The following DYSF variants were observed in gnomAD, a reference collection of about 807,000 sequenced individuals.
DYSF encodes the protein dystrophy-associated fer-1-like 1.
Under a neutral mutation model 274.9 loss-of-function variants are expected in DYSF, and 212 were observed. The observed-to-expected ratio is 0.77, with a 90% CI of 0.69 to 0.86. DYSF has a LOEUF of 0.86. Ranked by LOEUF, DYSF falls within the 40% of genes least tolerant of loss-of-function variation. The pLI is 0.00. For missense variants in DYSF, 2,666 were observed against 2,783.2 expected (o/e 0.96, Z 0.95); for synonymous variants, 1,091 against 1,078.7 (o/e 1.01, Z -0.22).
chr2:71,508,427 T>C (rs899287658), intron 4 of DYSF, among the ~76,000 whole-genome samples: 2 of 152,248 alleles, frequency 1.3e-5, no homozygotes, highest in African/African-American at 4.8e-5. Flanking sequence ...CTAAGGCTCA[T>C]GTGTTGCACC....
intron 8 of DYSF, 51 bp downstream of exon 8, chr2:71,515,802 G>T (rs766659461): frequency 1.9e-6 from 3 of 1,612,038 alleles, no homozygotes; most frequent in Non-Finnish European, 2.5e-6. Context: ...CTTCCAATCT[G>T]GAAGCCCAGT....
At chr2:71,530,704 C>T (rs2088596481) in intron 14 of DYSF, among the ~76,000 whole-genome samples, 1 of 152,198 alleles carries the variant, frequency 6.6e-6, no homozygotes, top group African/African-American at 2.4e-5. Context: ...TCGGTGGACC[C>T]CAGGCCTTTG....
chr2:71,506,538 G>C (rs1401274548), intron 4 of DYSF, among the ~76,000 whole-genome samples: 1 of 152,182 alleles, frequency 6.6e-6, no homozygotes, highest in Middle Eastern at 3.2e-3. Flanking sequence ...CCGTGACGTG[G>C]AGGACCTTGA....
chr2:71,460,394 AT>A (rs1395449632), intron 1 of DYSF, among the ~76,000 whole-genome samples: 1 of 152,190 alleles, frequency 6.6e-6, no homozygotes, highest in Non-Finnish European at 1.5e-5. Context: ...ACATTCAGCT[AT>A]GAGGGAGGCT....
intron 45 of DYSF, among the ~76,000 whole-genome samples, chr2:71,661,875 G>A (rs2094887720): frequency 6.6e-6 from 1 of 152,162 alleles, no homozygotes; most frequent in Admixed American, 6.5e-5. Flanking sequence ...CCAGTGATGA[G>A]CTCCCACCAA....
chr2:71,571,884 C>G (rs2092493266), intron 29 of DYSF, among the ~76,000 whole-genome samples: 1 of 146,314 alleles, frequency 6.8e-6, no homozygotes, highest in Admixed American at 6.8e-5. Context: ...CCAGCACACA[C>G]AGCTCACACC....
chr2:71,592,161 C>A (rs1418944148), intron 32 of DYSF, among the ~76,000 whole-genome samples: 3 of 152,204 alleles, frequency 2.0e-5, no homozygotes, highest in African/African-American at 7.2e-5. Flanking sequence ...GGGGCCCAGG[C>A]AGAAGCCCCC....
chr2:71,535,816 A>G (rs2089278428), intron 16 of DYSF, among the ~76,000 whole-genome samples: 1 of 152,216 alleles, frequency 6.6e-6, no homozygotes, highest in Admixed American at 6.5e-5. Flanking sequence ...TGAGGACAGC[A>G]GCTCACGGGC....
intron 46 of DYSF, 67 bp from the exon 47 acceptor site, chr2:71,665,095 T>C: frequency 6.2e-7 from 1 of 1,608,022 alleles, no homozygotes; most frequent in Non-Finnish European, 8.5e-7. Context: ...CACCAGTCCC[T>C]GCATGCCCCT....
chr2:71,524,728 A>C (rs1470085514), intron 12 of DYSF, among the ~76,000 whole-genome samples: 1 of 152,222 alleles, frequency 6.6e-6, no homozygotes, highest in East Asian at 1.9e-4. Context: ...CCCCATGTGC[A>C]AGGGCCTCTG....
intron 40 of DYSF, among the ~76,000 whole-genome samples, chr2:71,617,415 G>A (rs555014399): frequency 2.0e-5 from 3 of 152,334 alleles, no homozygotes; most frequent in South Asian, 2.1e-4. Flanking sequence ...AAGCTTCTCC[G>A]GGAAGGCGGC....
chr2:71,455,838 C>T (rs1273813337), intron 1 of DYSF, among the ~76,000 whole-genome samples: 4 of 152,156 alleles, frequency 2.6e-5, no homozygotes, highest in African/African-American at 9.7e-5. Flanking sequence ...ACCAGATTTT[C>T]TTCCACCTTC....
At chr2:71,602,640 C>T (rs934769593) in intron 35 of DYSF, 136 bp from the exon 36 acceptor site, 4 of 852,180 alleles carry the variant, frequency 4.7e-6, no homozygotes, top group Admixed American at 2.1e-5. Context: ...TTTCTGTTGG[C>T]TCCTCTTAGT....
At chr2:71,460,140 C>T (rs971919955) in intron 1 of DYSF, among the ~76,000 whole-genome samples, 1 of 152,146 alleles carries the variant, frequency 6.6e-6, no homozygotes, top group African/African-American at 2.4e-5. Flanking sequence ...GTAGACAGTC[C>T]TGACTGGTAA....
chr2:71,476,692 A>G (rs1299983635), intron 1 of DYSF, among the ~76,000 whole-genome samples: 2 of 152,142 alleles, frequency 1.3e-5, no homozygotes, highest in South Asian at 2.1e-4. Flanking sequence ...CCTCCTGTAC[A>G]TGTGTTGAGA....
rs745409058 is a variant in DYSF, at chr2:71,526,318, G to C, written c.1248G>C (p.Lys416Asn). The change falls in exon 13 of 56, where the codon AAG (lysine) becomes AAC (asparagine). Residue 416 changes from lysine to asparagine, a missense_variant. Coordinates refer to ENST00000410020, the MANE Select transcript of DYSF (RefSeq NM_001130987.2). ...VALRGAHFCL[K>N]VFRAEDLPQM... ...TGCGAGGAGCCCACTTCTGCCTGAA[G>C]GTCTTCCGGGCCGAGGACTTGCCGC... The C allele has an allele frequency of 4.3e-6, 7 of 1,614,190 alleles. No homozygotes were observed. In the South Asian group the frequency reaches 7.7e-5, roughly 18 times the overall value.
chr2:71,504,664 G>T (rs534349681), intron 4 of DYSF, among the ~76,000 whole-genome samples: 1 of 152,190 alleles, frequency 6.6e-6, no homozygotes, highest in African/African-American at 2.4e-5. Context: ...GTCAGGCTTG[G>T]TTCTCACTTC....
At chr2:71,543,008 C>T (rs989464249) in intron 17 of DYSF, among the ~76,000 whole-genome samples, 11 of 151,282 alleles carry the variant, frequency 7.3e-5, no homozygotes, top group Admixed American at 6.6e-5. Context: ...GGCTGCCCCC[C>T]ACCTCCCTCC....
intron 3 of DYSF, among the ~76,000 whole-genome samples, chr2:71,498,648 TC>T (rs2084662283): frequency 1.3e-5 from 2 of 152,246 alleles, no homozygotes; most frequent in African/African-American, 4.8e-5. Flanking sequence ...GTTACTCTGG[TC>T]TCCAGGCAAG....
Sources: allele counts gnomAD v4.1 joint callset (sites outside exome capture counted in the v4.1 genomes callset), GRCh38; gene constraint gnomAD v4.1.1; transcripts MANE v1.5; gene names NCBI Gene and HGNC (gene_info 2026-07-23, HGNC 2026-07-21).